Variants in WWP1 observed in about 807,000 individuals in gnomAD.
WWP1 encodes the protein NEDD4-like E3 ubiquitin-protein ligase WWP1.
Under a neutral mutation model 130.6 loss-of-function variants are expected in WWP1, and 49 were observed. That is an observed-to-expected ratio of 0.38 (90% CI 0.30 to 0.48). WWP1 has a LOEUF of 0.48. WWP1 is among the 20% of genes least tolerant of loss of function. The probability of loss-of-function intolerance (pLI) is 0.99; values close to 1 mark genes in which losing one functional copy is unlikely to be tolerated. For missense variants in WWP1, 809 were observed against 1,100.6 expected (o/e 0.74, Z 3.75); for synonymous variants, 332 against 367.8 (o/e 0.90, Z 1.11).
At chr8:86,396,987 C>G (rs1807714724) in intron 5 of WWP1, among the ~76,000 whole-genome samples, 1 of 152,168 alleles carries the variant, frequency 6.6e-6, no homozygotes, top group South Asian at 2.1e-4. Flanking sequence ...GTCGGCCTCC[C>G]AAAGTGCTGG....
chr8:86,420,507 T>C (rs573441690), intron 9 of WWP1, among the ~76,000 whole-genome samples: 1 of 152,042 alleles, frequency 6.6e-6, no homozygotes, highest in Non-Finnish European at 1.5e-5. Context: ...GGGAGGAGGG[T>C]AAGTGTAGAT....
chr8:86,367,029 T>C (rs113127315), intron 1 of WWP1, among the ~76,000 whole-genome samples: 20 of 152,334 alleles, frequency 1.3e-4, no homozygotes, highest in African/African-American at 4.6e-4. Flanking sequence ...GCCACATTCA[T>C]TGAGTTTTAA....
chr8:86,390,696 CGAGAGGGAGACGG>C lies in WWP1; in HGVS notation c.335-7638_335-7626del, dbSNP rs1325164291. On this transcript the variant is annotated intron_variant, in intron 5 of 24. Coordinates refer to ENST00000517970, the MANE Select transcript of WWP1 (RefSeq NM_007013.4). ...GAGGGAGACCGTGGAAAGTGGGAGACGAGAGGGAGACGGGAGAGGGGGAGGGAGAGGGGGAGGG... is the reference window on the plus strand; with the variant it reads ...GAGGGAGACCGTGGAAAGTGGGAGACGAGAGGGGGAGGGAGAGGGGGAGGG... Among the ~76,000 whole-genome samples, 16 of 119,266 alleles carry C rather than the reference CGAGAGGGAGACGG, an allele frequency of 1.3e-4. No individual in the cohort carries two copies. In the East Asian group the frequency reaches 4.2e-3, roughly 31 times the overall value. The allele number at this position is 119,266 out of a possible 152,430, so 78.2% of individuals were successfully genotyped here.
At chr8:86,421,596 G>A (rs1004626783) in intron 9 of WWP1, among the ~76,000 whole-genome samples, 3 of 152,018 alleles carry the variant, frequency 2.0e-5, no homozygotes, top group Admixed American at 6.6e-5. Context: ...AGGCCGAGGC[G>A]GAAGGATCAC....
Position 86,411,789 on chromosome 8 carries a change from G to T in WWP1, c.976G>T (p.Ala326Ser). 2.5e-6 allele frequency: 4 copies of T among 1,614,126 alleles called. No individual in the cohort carries two copies. The highest frequency in any genetic ancestry group is 3.4e-6 in the Non-Finnish European group (4 of 1,180,026). The change falls in exon 9 of 25, where the codon GCA becomes TCA. Residue 326 changes from alanine to serine, a missense_variant. By Grantham distance (99) the Ala-to-Ser change is moderately conservative. Around this residue, in one of 3 missense-constraint regions of WWP1, gnomAD observed 97 missense variants for 80.4 expected, o/e 1.21. Coordinates refer to ENST00000517970, the MANE Select transcript of WWP1 (RefSeq NM_007013.4). ...SNSRSSSAFE[A>S]AKSRQPDGCM... Reference sequence around the variant, plus strand: ...TTCTAGAAGTAGTTCTGCTTTTGAAGCAGCCAAATCAAGACAGCCAGATGG... The same window carrying T: ...TTCTAGAAGTAGTTCTGCTTTTGAATCAGCCAAATCAAGACAGCCAGATGG...
chr8:86,401,718 A>G (rs2130505817), intron 7 of WWP1, among the ~76,000 whole-genome samples: 1 of 152,266 alleles, frequency 6.6e-6, no homozygotes, highest in South Asian at 2.1e-4. Context: ...GACCGTATTT[A>G]TTTTGACTTA....
At chr8:86,431,571 T>A (rs1355027431) in intron 13 of WWP1, 44 bp from the exon 14 acceptor site, 1 of 1,612,070 alleles carries the variant, frequency 6.2e-7, no homozygotes, top group Non-Finnish European at 8.5e-7. Flanking sequence ...ATATTTTTAG[T>A]ACCTAGAAAA....
chr8:86,385,749 A>C (rs1458978882), intron 5 of WWP1, among the ~76,000 whole-genome samples: 1 of 152,230 alleles, frequency 6.6e-6, no homozygotes, highest in Non-Finnish European at 1.5e-5. Context: ...TGTCTTATTC[A>C]CTTGTGTTTT....
intron 16 of WWP1, among the ~76,000 whole-genome samples, chr8:86,436,939 A>C (rs1810319044): frequency 6.8e-6 from 1 of 147,550 alleles, no homozygotes; most frequent in African/African-American, 2.5e-5. Flanking sequence ...TACTTAAACT[A>C]TTATCAAGTT....
chr8:86,383,405 G>A (rs948917480), intron 5 of WWP1, among the ~76,000 whole-genome samples: 1 of 152,194 alleles, frequency 6.6e-6, no homozygotes, highest in Non-Finnish European at 1.5e-5. Context: ...AGGTTGTAAT[G>A]TCAATACACT....
At chr8:86,350,474 C>T (rs1822850420) in intron 1 of WWP1, among the ~76,000 whole-genome samples, 1 of 152,150 alleles carries the variant, frequency 6.6e-6, no homozygotes, top group Non-Finnish European at 1.5e-5. Context: ...GCCCCTGCAT[C>T]CTAATGCAAA....
intron 8 of WWP1, among the ~76,000 whole-genome samples, chr8:86,408,484 T>A (rs1371665490): frequency 6.6e-6 from 1 of 152,244 alleles, no homozygotes; most frequent in African/African-American, 2.4e-5. Context: ...TGAGAATTCC[T>A]AGTGCTTTGC....
chr8:86,376,481 A>G (rs991025952), intron 3 of WWP1, among the ~76,000 whole-genome samples: 2 of 152,182 alleles, frequency 1.3e-5, no homozygotes, highest in African/African-American at 4.8e-5. Flanking sequence ...AGGCATGAGA[A>G]TCACTTGAAC....
At chr8:86,351,497 C>T (rs1822915054) in intron 1 of WWP1, among the ~76,000 whole-genome samples, 1 of 151,796 alleles carries the variant, frequency 6.6e-6, no homozygotes, top group Non-Finnish European at 1.5e-5. Flanking sequence ...CACTAACATG[C>T]TCAGCTAGTT....
intron 2 of WWP1, among the ~76,000 whole-genome samples, chr8:86,370,671 C>T (rs1200495747): frequency 6.6e-6 from 1 of 152,058 alleles, no homozygotes; most frequent in Non-Finnish European, 1.5e-5. Context: ...CAAAATAATT[C>T]ATTTCTTCTT....
Position 86,461,818 on chromosome 8 carries a change from G to C in WWP1, c.2641G>C (p.Asp881His). The change falls in exon 24 of 25, where the codon GAC becomes CAC. Residue 881 changes from aspartate (D) to histidine (H), a missense_variant. This residue lies in a region of WWP1 where 450 missense variants were observed against 674.2 expected (regional missense o/e 0.67). Transcript: ENST00000517970. ...QKFCIEKVGKDTWLPRSHTCF... is the reference protein window; with the variant it reads ...QKFCIEKVGKHTWLPRSHTCF... Reference sequence around the variant, plus strand: ...GTTTTGCATTGAAAAAGTTGGCAAAGACACTTGGTTACCAAGAAGCCATAC... The same window carrying C: ...GTTTTGCATTGAAAAAGTTGGCAAACACACTTGGTTACCAAGAAGCCATAC... 1 of 1,613,978 alleles carries C rather than the reference G, an allele frequency of 6.2e-7. No homozygotes were observed. The highest frequency in any genetic ancestry group is 1.1e-5 in the South Asian group (1 of 91,072).
At position 86,457,005 on chromosome 8, in the gene WWP1, T is replaced by G. The variant is rs151035211; in HGVS notation, c.2395-916T>G. On this transcript the variant is annotated intron_variant, in intron 21 of 24. Transcript: ENST00000517970. ...GATTACAAAAAGGGGATGATGATTT[T>G]GATTACAAAAAGGGATATGATGGAA... Among the ~76,000 whole-genome samples the G allele has an allele frequency of 2.0e-3, 308 of 152,070 alleles. 3 individuals are homozygous for G. Among genetic ancestry groups the G allele is most frequent in the African/African-American group, 7.0e-3 (291 of 41,570 alleles).
intron 14 of WWP1, among the ~76,000 whole-genome samples, chr8:86,432,991 A>G (rs1810072289): frequency 6.6e-6 from 1 of 152,112 alleles, no homozygotes; most frequent in South Asian, 2.1e-4. Context: ...TTCTCCTTTA[A>G]ACCAACTCCA....
At chr8:86,402,438 A>G (rs1808045873) in intron 8 of WWP1, among the ~76,000 whole-genome samples, 1 of 151,948 alleles carries the variant, frequency 6.6e-6, no homozygotes, top group Non-Finnish European at 1.5e-5. Flanking sequence ...GGCACCCACC[A>G]CCACAACCAG....
Sources: gnomAD v4.1 joint callset for allele counts (sites outside exome capture counted in the v4.1 genomes callset) on GRCh38, gnomAD v4.1.1 for gene constraint, gnomAD v4.1.1 regional missense constraint, MANE v1.5 for transcripts, NCBI Gene and HGNC (gene_info 2026-07-23, HGNC 2026-07-21) for gene names.